Variants in CES5A observed in about 807,000 individuals in gnomAD.
CES5A encodes carboxylesterase 5A.
In CES5A, 67 loss-of-function variants were observed where a neutral mutation model predicts 62.9. The observed-to-expected ratio is 1.07, with a 90% CI of 0.88 to 1.31. CES5A has a LOEUF of 1.31. Among genes scored for constraint, CES5A ranks in the 50% most tolerant of loss-of-function variants. CES5A has a pLI of 0.00. For missense variants in CES5A, 748 were observed against 708.5 expected, an observed-to-expected ratio of 1.06 and a Z score of -0.63; for synonymous variants, 296 against 280.8, an observed-to-expected ratio of 1.05 and a Z score of -0.54.
chr16:55,849,942 G>A (rs146338689), intron 10 of CES5A, among the ~76,000 whole-genome samples, 169 bp from the exon 11 acceptor site: 64 of 152,324 alleles, frequency 4.2e-4, no homozygotes, highest in African/African-American at 1.5e-3. Context: ...CTACAGCAGT[G>A]CTCATATCCC....
chr16:55,902,735 G>A (rs1358816899), intron 1 of CES5A, among the ~76,000 whole-genome samples: 1 of 152,152 alleles, frequency 6.6e-6, no homozygotes, highest in East Asian at 1.9e-4. Context: ...TATGCCTCTT[G>A]ATTTATATAT....
chr16:55,856,533 A>T, intron 8 of CES5A, 88 bp from the exon 9 acceptor site: 1 of 1,273,118 alleles, frequency 7.9e-7, no homozygotes, highest in Non-Finnish European at 1.1e-6. Flanking sequence ...TGACTTTCAC[A>T]GGGGAAGTTG....
At chr16:55,849,907 C>T (rs1158057239) in intron 10 of CES5A, 134 bp from the exon 11 acceptor site, 6 of 906,228 alleles carry the variant, frequency 6.6e-6, no homozygotes, top group Non-Finnish European at 9.8e-6. Flanking sequence ...CTTCCCCCTT[C>T]CTCATTTGAG....
chr16:55,898,709 G>A (rs1265826883), intron 1 of CES5A, among the ~76,000 whole-genome samples: 1 of 152,202 alleles, frequency 6.6e-6, no homozygotes, highest in Non-Finnish European at 1.5e-5. Flanking sequence ...ATGGGGCCCA[G>A]GGGCCACTGC....
intron 1 of CES5A, among the ~76,000 whole-genome samples, 196 bp from the exon 2 acceptor site, chr16:55,874,233 C>G (rs1305184088): frequency 1.3e-5 from 2 of 152,232 alleles, no homozygotes; most frequent in Non-Finnish European, 2.9e-5. Context: ...CCCCATGAAA[C>G]CACTGACTTA....
intron 1 of CES5A, among the ~76,000 whole-genome samples, chr16:55,953,024 G>A (rs2034574921): frequency 6.6e-6 from 1 of 152,156 alleles, no homozygotes; most frequent in African/African-American, 2.4e-5. Context: ...GTATTAGAAA[G>A]TCAAAACTAA....
At chr16:55,912,756 A>C (rs1488817112) in intron 1 of CES5A, among the ~76,000 whole-genome samples, 4 of 152,148 alleles carry the variant, frequency 2.6e-5, no homozygotes, top group African/African-American at 9.7e-5. Context: ...AGGAAGAAAA[A>C]GCACAGACTC....
At chr16:55,874,179 G>A (rs988944019) in intron 1 of CES5A, 142 bp from the exon 2 acceptor site, 5 of 721,416 alleles carry the variant, frequency 6.9e-6, no homozygotes, top group Non-Finnish European at 1.1e-5. Flanking sequence ...CCCTCTCCAT[G>A]AATCCAGTTC....
chr16:55,914,795 G>A (rs563534021), intron 1 of CES5A, among the ~76,000 whole-genome samples: 2 of 152,264 alleles, frequency 1.3e-5, no homozygotes, highest in South Asian at 2.1e-4. Context: ...ACAGAAAAAG[G>A]ACACTAGTGG....
intron 2 of CES5A, among the ~76,000 whole-genome samples, chr16:55,941,366 TA>T (rs1202040298): frequency 6.6e-6 from 1 of 152,014 alleles, no homozygotes; most frequent in African/African-American, 2.4e-5. Context: ...AACAAAATTT[TA>T]AAACAATGTC....
intron 1 of CES5A, among the ~76,000 whole-genome samples, chr16:55,900,749 G>T (rs543195956): frequency 2.6e-5 from 4 of 152,322 alleles, no homozygotes; most frequent in African/African-American, 7.2e-5. Context: ...CCAAAAGCCA[G>T]GGAAAGGTAG....
chr16:55,954,479 A>C (rs2034588750), intron 1 of CES5A, among the ~76,000 whole-genome samples: 1 of 152,134 alleles, frequency 6.6e-6, no homozygotes, highest in South Asian at 2.1e-4. Flanking sequence ...GCCCCAAAAA[A>C]CCAGGGTGGC....
In CES5A at chr16:55,908,514, C is replaced by T. The variant is rs143196084; in HGVS notation, c.-256+16809G>A. On this transcript the variant is annotated intron_variant, in intron 1 of 12. Coordinates refer to the CES5A transcript ENST00000518005. The stretch of plus-strand genomic sequence containing the variant: ...TAGCTGGGATTAGAGGCATGAGCCA[C>T]CATGCCCGGCTAATTTTGTATTTTT... Among the ~76,000 whole-genome samples, 154 of 152,302 alleles carry T rather than the reference C, an allele frequency of 1.0e-3. 2 individuals are homozygous for T. In the East Asian group the frequency reaches 0.019, roughly 19 times the overall value.
At chr16:55,905,596 G>T (rs542620005) in intron 1 of CES5A, among the ~76,000 whole-genome samples, 34 of 152,026 alleles carry the variant, frequency 2.2e-4, no homozygotes, top group African/African-American at 5.8e-4. Flanking sequence ...TCCTGACCTC[G>T]TGATCCGCCT....
chr16:55,903,119 G>A (rs758193445), intron 1 of CES5A, among the ~76,000 whole-genome samples: 4 of 147,354 alleles, frequency 2.7e-5, no homozygotes, highest in Non-Finnish European at 4.5e-5. Context: ...TTAGTCTAAA[G>A]GGATGCAGAG....
chr16:55,874,332 T>G (rs1225266688), intron 1 of CES5A, among the ~76,000 whole-genome samples: 2 of 152,190 alleles, frequency 1.3e-5, no homozygotes, highest in African/African-American at 4.8e-5. Flanking sequence ...GAGCGCTTTC[T>G]TTCTACAGGA....
intron 9 of CES5A, among the ~76,000 whole-genome samples, chr16:55,854,544 C>CTTTTTTTCTTT (rs2033200625): frequency 3.1e-5 from 2 of 64,416 alleles, no homozygotes; most frequent in South Asian, 8.6e-4. Flanking sequence ...TTTTTTTTTT[C>CTTTTTTTCTTT]TTTTTTTTTT....
intron 2 of CES5A, among the ~76,000 whole-genome samples, chr16:55,942,725 G>A (rs1188064004): frequency 6.6e-6 from 1 of 152,190 alleles, no homozygotes. Context: ...TGTGGAAGAG[G>A]ATGCTCATTG....
At chr16:55,911,325 G>A (rs1485915604) in intron 1 of CES5A, among the ~76,000 whole-genome samples, 1 of 152,154 alleles carries the variant, frequency 6.6e-6, no homozygotes, top group Non-Finnish European at 1.5e-5. Context: ...CCTTTCATAT[G>A]CCTTTGGTGA....
Sources: gnomAD v4.1 joint callset for allele counts (sites outside exome capture counted in the v4.1 genomes callset) on GRCh38, gnomAD v4.1.1 for gene constraint, MANE v1.5 for transcripts, NCBI Gene and HGNC (gene_info 2026-07-23, HGNC 2026-07-21) for gene names.